Variants in RDH10 observed in about 807,000 individuals in gnomAD.
RDH10 encodes the protein retinol dehydrogenase 10 (all-trans).
A neutral mutation model predicts 30.2 loss-of-function variants in RDH10; 12 were observed. The observed-to-expected ratio is 0.40, with a 90% CI of 0.25 to 0.64. The LOEUF is 0.64. Among genes scored for constraint, RDH10 ranks in the 30% least tolerant of loss-of-function variants. The pLI, the probability that RDH10 is intolerant of heterozygous loss-of-function variation, is 0.43. For missense variants in RDH10, 268 were observed against 445.2 expected (o/e 0.60, Z 3.58); for synonymous variants, 189 against 172.2 (o/e 1.10, Z -0.76).
chr8:73,324,625 T>TA lies in RDH10; in HGVS notation c.*1590dup, dbSNP rs1393952941. On this transcript the variant is annotated 3_prime_UTR_variant, in exon 6 of 6. Coordinates refer to ENST00000240285, the MANE Select transcript of RDH10 (RefSeq NM_172037.5). ...TAAGGAAAATTATTGTGTTTTTTTT[T>TA]ATGATCATTATCCCACTTTAGGTAA... is the stretch of plus-strand genomic sequence containing the variant. 1.3e-5 allele frequency: 2 copies of TA among 152,220 alleles called. No individual in the cohort carries two copies. Among genetic ancestry groups the TA allele is most frequent in the East Asian group, 1.9e-4 (1 of 5,200 alleles). The allele number at this position is 152,220 out of a possible 1,614,324, so 9.4% of individuals were successfully genotyped here. A position where few individuals can be genotyped will look rare whatever the true frequency, so the allele number is the denominator to read the frequency against.
chr8:73,299,464 C>T (rs758016904), intron 2 of RDH10, among the ~76,000 whole-genome samples: 1 of 152,080 alleles, frequency 6.6e-6, no homozygotes, highest in Non-Finnish European at 1.5e-5. Flanking sequence ...AAGTGGGAGG[C>T]GAAGTGTCAT....
Position 73,295,153 on chromosome 8 carries a change from C to G in RDH10, c.-137C>G. On this transcript the variant is annotated 5_prime_UTR_variant, in exon 1 of 6. Transcript: ENST00000240285. ...GCCGCGCACTCCAACCCGGCGGGCA[C>G]CTCGGGGGCGGGCGCGGGGCGCAGC... 2.4e-6 allele frequency: 2 copies of G among 829,852 alleles called. No individual in the cohort carries two copies. Among genetic ancestry groups the G allele is most frequent in the Non-Finnish European group, 3.4e-6 (2 of 584,150 alleles). The allele number at this position is 829,852 out of a possible 1,614,324, so 51.4% of individuals were successfully genotyped here.
chr8:73,322,130 T>A (rs998634642), intron 4 of RDH10: 46 of 395,814 alleles, frequency 1.2e-4, no homozygotes, highest in Non-Finnish European at 2.2e-4. Flanking sequence ...AATTGCACAC[T>A]ATCATTTCAA....
At position 73,319,213 on chromosome 8, in the gene RDH10, A is replaced by T. The variant is rs759445439; in HGVS notation, c.624+19A>T. 6.5e-7 allele frequency: 1 copy of T among 1,538,078 alleles called. No individual in the cohort carries two copies. The highest frequency in any genetic ancestry group is 1.7e-5 in the Admixed American group (1 of 59,300). ...AGTTGAGGTTTGTCAGATATATAGCATTTCTTTCGTTCAATCTGTTTATCC... is the reference window on the plus strand; with the variant it reads ...AGTTGAGGTTTGTCAGATATATAGCTTTTCTTTCGTTCAATCTGTTTATCC... On this transcript the variant is annotated intron_variant, in intron 3 of 5. Coordinates refer to ENST00000240285, the MANE Select transcript of RDH10 (RefSeq NM_172037.5).
intron 2 of RDH10, among the ~76,000 whole-genome samples, chr8:73,309,289 C>T: frequency 6.6e-6 from 1 of 152,196 alleles, no homozygotes; most frequent in East Asian, 1.9e-4. Flanking sequence ...CAGTGAAGAA[C>T]TGTGTGGCAT....
chr8:73,301,039 A>ATT (rs1563547188), intron 2 of RDH10, among the ~76,000 whole-genome samples: 5 of 98,800 alleles, frequency 5.1e-5, no homozygotes, highest in African/African-American at 2.0e-4. Context: ...ACAAAACTCT[A>ATT]TTCTTTTTTT....
chr8:73,320,605 G>A (rs1376345279), intron 3 of RDH10, among the ~76,000 whole-genome samples: 1 of 151,832 alleles, frequency 6.6e-6, no homozygotes, highest in Non-Finnish European at 1.5e-5. Context: ...TGAGTAGCTG[G>A]GACTACAGGC....
chr8:73,294,614 G>C lies in RDH10; in HGVS notation c.-676G>C, dbSNP rs1814215188. Reference sequence around the variant, plus strand: ...GTGGAGCCCGCTCAGAGCCGGCCCGGAGCGCTCTGACTTGCAAGCGGGCTG... The same window carrying C: ...GTGGAGCCCGCTCAGAGCCGGCCCGCAGCGCTCTGACTTGCAAGCGGGCTG... On this transcript the variant is annotated 5_prime_UTR_variant, in exon 1 of 6. Transcript: ENST00000240285. 1 of 293,518 alleles carries C rather than the reference G, an allele frequency of 3.4e-6. No homozygotes were observed. 18.2% of individuals were successfully genotyped at this position (293,518 alleles called of 1,614,324 possible).
rs1431212264 is a variant in RDH10 at position 73,297,210 on chromosome 8, A to G, written c.306A>G (p.Glu102=). 3 of 1,610,838 alleles carry G rather than the reference A, an allele frequency of 1.9e-6. No individual in the cohort carries two copies. The Admixed American group carries it at 5.0e-5, about 27-fold the overall frequency. ...AAALQAGNGE[E]EILPHCNLQV... Reference sequence around the variant, plus strand: ...TGAGGACAGCTGGGAATGGTGAGGAAGAAATTCTGCCCCACTGTAACTTGC... The same window carrying G: ...TGAGGACAGCTGGGAATGGTGAGGAGGAAATTCTGCCCCACTGTAACTTGC... The change falls in exon 2 of 6, where the codon GAA becomes GAG. Residue 102 remains glutamate (E), a synonymous_variant. Transcript: ENST00000240285.
intron 2 of RDH10, among the ~76,000 whole-genome samples, chr8:73,309,397 G>A (rs1379152906): frequency 6.6e-6 from 1 of 152,088 alleles, no homozygotes; most frequent in African/African-American, 2.4e-5. Flanking sequence ...TGATATTTTC[G>A]GTGGTTTAAC....
At chr8:73,311,864 A>G (rs1001454314) in intron 2 of RDH10, 2 of 152,244 alleles carry the variant, frequency 1.3e-5, no homozygotes, top group African/African-American at 2.4e-5. Context: ...CAACTAGGAA[A>G]AAGAGGCTAT....
rs148664221 is a variant in RDH10, at chr8:73,294,833, G to T, written c.-457G>T. ...TTGGGTCGAGTTGACAACTCCCGCG[G>T]CAGCCCGCTGGCCCGTGCCGCCTCC... On this transcript the variant is annotated 5_prime_UTR_variant, in exon 1 of 6. Coordinates refer to ENST00000240285, the MANE Select transcript of RDH10 (RefSeq NM_172037.5). 0.027 allele frequency: 10,435 copies of T among 384,614 alleles called. 183 individuals carry two copies. Among genetic ancestry groups the T allele is most frequent in the Non-Finnish European group, 0.037 (8,067 of 216,820 alleles). The allele number at this position is 384,614 out of a possible 1,614,324, so 23.8% of individuals were successfully genotyped here.
chr8:73,295,880 C>G, intron 1 of RDH10: 1 of 1,208,640 alleles, frequency 8.3e-7, no homozygotes, highest in Non-Finnish European at 1.0e-6. Flanking sequence ...CTTGTTACCA[C>G]AGGTTTGGAT....
At chr8:73,320,453 T>C (rs989211976) in intron 3 of RDH10, among the ~76,000 whole-genome samples, 1 of 125,172 alleles carries the variant, frequency 8.0e-6, no homozygotes. Context: ...TTTTTTTTGT[T>C]TTTGTTTTTG....
intron 2 of RDH10, among the ~76,000 whole-genome samples, chr8:73,308,744 G>A (rs1193483736): frequency 6.6e-6 from 1 of 152,094 alleles, no homozygotes; most frequent in Non-Finnish European, 1.5e-5. Flanking sequence ...AGGGGCTCTT[G>A]GCATTGATTT....
chr8:73,311,453 A>G (rs1006238720), intron 2 of RDH10: 5 of 152,210 alleles, frequency 3.3e-5, no homozygotes, highest in African/African-American at 1.2e-4. Flanking sequence ...TTAATGAAGC[A>G]TTTATTTTTG....
At position 73,325,040 on chromosome 8, in the gene RDH10, T is replaced by G. The variant is rs1261416053; in HGVS notation, c.*2004T>G. 6.6e-6 allele frequency: 1 copy of G among 152,166 alleles called. No individual in the cohort carries two copies. Among genetic ancestry groups the G allele is most frequent in the Non-Finnish European group, 1.5e-5 (1 of 68,020 alleles). 9.4% of individuals were successfully genotyped at this position (152,166 alleles called of 1,614,324 possible). A position where few individuals can be genotyped will look rare whatever the true frequency, so the allele number is the denominator to read the frequency against. ...TCTGAAGGGTCTCAACAATGCCAGG[T>G]GGGGACAGATATACTCAGAGATTAT... is the stretch of plus-strand genomic sequence containing the variant. On this transcript the variant is annotated 3_prime_UTR_variant, in exon 6 of 6. Coordinates refer to ENST00000240285, the MANE Select transcript of RDH10 (RefSeq NM_172037.5).
chr8:73,298,962 G>A (rs1241355579), intron 2 of RDH10, among the ~76,000 whole-genome samples: 1 of 152,088 alleles, frequency 6.6e-6, no homozygotes, highest in Admixed American at 6.6e-5. Context: ...TTGCAGGCAT[G>A]CACCACCACG....
intron 2 of RDH10, 81 bp downstream of exon 2, chr8:73,297,510 C>G: frequency 1.0e-6 from 1 of 978,790 alleles, no homozygotes; most frequent in Non-Finnish European, 1.6e-6. Flanking sequence ...CAGTGCCAGC[C>G]TGAAAGCAAC....
Sources: allele counts gnomAD v4.1 joint callset (sites outside exome capture counted in the v4.1 genomes callset), GRCh38; gene constraint gnomAD v4.1.1; transcripts MANE v1.5; gene names NCBI Gene and HGNC (gene_info 2026-07-23, HGNC 2026-07-21).